Variants in FAF1 observed in about 807,000 individuals in gnomAD.
FAF1 encodes the protein FAS-associated factor 1.
In FAF1, 25 loss-of-function variants were observed where a neutral mutation model predicts 92.5. The ratio of observed to expected loss-of-function variants is 0.27; its 90% CI spans 0.20 to 0.38. FAF1 has a LOEUF of 0.38. Among genes scored for constraint, FAF1 ranks in the 10% least tolerant of loss-of-function variants. The pLI, the probability that FAF1 is intolerant of heterozygous loss-of-function variation, is 1.00. For synonymous variants in FAF1, 234 were observed against 273.2 expected, an observed-to-expected ratio of 0.86 and a Z score of 1.42; for missense variants, 636 against 793.3, an observed-to-expected ratio of 0.80 and a Z score of 2.38.
chr1:50,621,707 G>A (rs1226942146), intron 8 of FAF1, among the ~76,000 whole-genome samples: 1 of 151,062 alleles, frequency 6.6e-6, no homozygotes, highest in African/African-American at 2.4e-5. Flanking sequence ...GCCCAGCCCC[G>A]ATCTTTCTTA....
chr1:50,518,028 G>A (rs907588342), intron 15 of FAF1, among the ~76,000 whole-genome samples: 3 of 152,170 alleles, frequency 2.0e-5, no homozygotes, highest in South Asian at 2.1e-4. Context: ...GAATTCTAAC[G>A]TATGTATAGA....
rs1172196536 is a variant in FAF1, at chr1:50,959,844, A to G, written c.-33T>C. 22 of 1,526,012 alleles carry G rather than the reference A, an allele frequency of 1.4e-5. No homozygotes were observed. Among genetic ancestry groups the G allele is most frequent in the Non-Finnish European group, 1.9e-5 (22 of 1,130,088 alleles). The allele number at this position is 1,526,012 out of a possible 1,614,324, so 94.5% of individuals were successfully genotyped here. A position where few individuals can be genotyped will look rare whatever the true frequency, so the allele number is the denominator to read the frequency against. On this transcript the variant is annotated 5_prime_UTR_variant, in exon 1 of 19. Coordinates refer to ENST00000396153, the MANE Select transcript of FAF1 (RefSeq NM_007051.3). ...GCCGAGTTCCGCGGCTCCGGGAGCG[A>G]AGCGCGCACCTGGGAGGCAGACGGC...
intron 18 of FAF1, among the ~76,000 whole-genome samples, chr1:50,442,021 G>T (rs1255209702): frequency 6.6e-6 from 1 of 151,470 alleles, no homozygotes; most frequent in Non-Finnish European, 1.5e-5. Context: ...TCATACCCTT[G>T]TTGATGGTAT....
intron 1 of FAF1, among the ~76,000 whole-genome samples, chr1:50,914,411 C>A (rs943132885): frequency 3.9e-5 from 6 of 152,164 alleles, no homozygotes; most frequent in Admixed American, 2.6e-4. Flanking sequence ...ATTCTTAATT[C>A]TTCTTCAAGC....
chr1:50,760,139 A>G (rs558383424), intron 4 of FAF1, among the ~76,000 whole-genome samples: 1 of 152,252 alleles, frequency 6.6e-6, no homozygotes, highest in African/African-American at 2.4e-5. Flanking sequence ...AGAGCTAACT[A>G]TCCTAAATAT....
At chr1:50,887,465 G>A (rs1315278039) in intron 1 of FAF1, among the ~76,000 whole-genome samples, 2 of 152,174 alleles carry the variant, frequency 1.3e-5, no homozygotes, top group Admixed American at 1.3e-4. Flanking sequence ...CCTATAGCCT[G>A]AATGGTATTG....
At chr1:50,792,164 TAAAAA>T (rs1661586595) in intron 3 of FAF1, among the ~76,000 whole-genome samples, 2 of 152,122 alleles carry the variant, frequency 1.3e-5, no homozygotes, top group African/African-American at 4.8e-5. Context: ...CTCGGAGACT[TAAAAA>T]AGAAAATGAT....
chr1:50,573,830 AAC>A (rs1159856612), intron 12 of FAF1, among the ~76,000 whole-genome samples: 24 of 150,506 alleles, frequency 1.6e-4, no homozygotes, highest in African/African-American at 2.5e-4. Context: ...AAAAAAAAAA[AAC>A]AAAACAAAGC....
chr1:50,900,956 G>A (rs953693413), intron 1 of FAF1, among the ~76,000 whole-genome samples: 4 of 152,030 alleles, frequency 2.6e-5, no homozygotes, highest in Non-Finnish European at 4.4e-5. Context: ...ATTTCTAATA[G>A]AGGTAAAATC....
At chr1:50,841,436 G>A (rs61782371) in intron 2 of FAF1, among the ~76,000 whole-genome samples, 94 of 152,096 alleles carry the variant, frequency 6.2e-4, no homozygotes, top group Non-Finnish European at 9.3e-4. Flanking sequence ...GTAAGATGGT[G>A]ACTTTCTCCT....
chr1:50,863,379 A>G (rs2124672145), intron 1 of FAF1, among the ~76,000 whole-genome samples: 1 of 152,128 alleles, frequency 6.6e-6, no homozygotes, highest in South Asian at 2.1e-4. Context: ...CTAAGAGGAA[A>G]GTTCATACCA....
At chr1:50,907,194 G>GT (rs747534764) in intron 1 of FAF1, among the ~76,000 whole-genome samples, 1 of 152,132 alleles carries the variant, frequency 6.6e-6, no homozygotes, top group Non-Finnish European at 1.5e-5. Flanking sequence ...ATTGATTTGC[G>GT]TAAGTTGAAC....
chr1:50,894,304 TAAAA>T (rs34801737), intron 1 of FAF1, among the ~76,000 whole-genome samples: 1 of 62,984 alleles, frequency 1.6e-5, no homozygotes, highest in Admixed American at 1.9e-4. Flanking sequence ...GTCTCAAAAT[TAAAA>T]AAAAAAAAAA....
At chr1:50,731,347 C>T (rs986276799) in intron 6 of FAF1, among the ~76,000 whole-genome samples, 1 of 151,528 alleles carries the variant, frequency 6.6e-6, no homozygotes, top group African/African-American at 2.4e-5. Flanking sequence ...TCTCAAAACA[C>T]TTGTCTTTCT....
At chr1:50,773,672 G>C (rs547267220) in intron 4 of FAF1, among the ~76,000 whole-genome samples, 1 of 152,238 alleles carries the variant, frequency 6.6e-6, no homozygotes, top group Admixed American at 6.5e-5. Flanking sequence ...GTTACCAGAG[G>C]CAAAGGCATA....
intron 18 of FAF1, among the ~76,000 whole-genome samples, chr1:50,456,362 G>A (rs982747333): frequency 1.2e-4 from 19 of 152,088 alleles, no homozygotes; most frequent in Non-Finnish European, 1.5e-5. Flanking sequence ...TGGTGCTTGA[G>A]TTCTAGAAAC....
intron 6 of FAF1, among the ~76,000 whole-genome samples, chr1:50,725,302 C>G (rs1475640153): frequency 6.6e-6 from 1 of 152,132 alleles, no homozygotes; most frequent in African/African-American, 2.4e-5. Context: ...TGAAGCCAAG[C>G]TGGACCTAAA....
At chr1:50,935,813 G>T (rs116867071) in intron 1 of FAF1, among the ~76,000 whole-genome samples, 1 of 152,114 alleles carries the variant, frequency 6.6e-6, no homozygotes, top group East Asian at 1.9e-4. Context: ...AATTATGAAC[G>T]CTACTAGTGA....
Position 50,955,851 on chromosome 1 carries a change from G to A in FAF1, c.45+3916C>T, listed in dbSNP as rs151162631. Among the ~76,000 whole-genome samples the A allele has an allele frequency of 1.4e-3, 210 of 152,168 alleles. 2 individuals carry two copies. Among genetic ancestry groups the A allele is most frequent in the Non-Finnish European group, 2.1e-3 (143 of 67,984 alleles). ...ACGCATGCTAACATATATGACTCTTGGGCACATTATGCTAAGTGAAATAAG... is the reference window on the plus strand; with the variant it reads ...ACGCATGCTAACATATATGACTCTTAGGCACATTATGCTAAGTGAAATAAG... On this transcript the variant is annotated intron_variant, in intron 1 of 18. Coordinates refer to ENST00000396153, the MANE Select transcript of FAF1 (RefSeq NM_007051.3).
Sources: allele counts gnomAD v4.1 joint callset (sites outside exome capture counted in the v4.1 genomes callset), GRCh38; gene constraint gnomAD v4.1.1; transcripts MANE v1.5; gene names NCBI Gene and HGNC (gene_info 2026-07-23, HGNC 2026-07-21).